LRP1B: variants seen among roughly 807,000 people sequenced by gnomAD.
LRP1B encodes the protein low-density lipoprotein receptor-related protein 1B.
LRP1B carries 217 observed loss-of-function variants against 556.6 expected under a neutral mutation model. The ratio of observed to expected loss-of-function variants is 0.39; its 90% CI spans 0.35 to 0.44. The LOEUF (loss-of-function observed/expected upper bound fraction) is 0.44, where lower values mean the gene tolerates loss of function less well. Among genes scored for constraint, LRP1B ranks in the 20% least tolerant of loss-of-function variants. The pLI, the probability that LRP1B is intolerant of heterozygous loss-of-function variation, is 1.00. For synonymous variants in LRP1B, 2,047 were observed against 1,865.8 expected (o/e 1.10, Z -2.50); for missense variants, 5,053 against 5,620.8 (o/e 0.90, Z 3.23).
At chr2:140,759,475 G>C in intron 35 of LRP1B, among the ~76,000 whole-genome samples, 1 of 152,116 alleles carries the variant, frequency 6.6e-6, no homozygotes, top group East Asian at 1.9e-4. Context: ...CAAACTTTAA[G>C]ACTAATGAAA....
At chr2:140,361,186 A>C (rs1203742784) in intron 72 of LRP1B, among the ~76,000 whole-genome samples, 2 of 149,410 alleles carry the variant, frequency 1.3e-5, no homozygotes, top group African/African-American at 4.9e-5. Flanking sequence ...TCTCTTTTTC[A>C]TCTCAGTTAT....
chr2:142,050,219 C>T (rs1021450163), intron 1 of LRP1B, among the ~76,000 whole-genome samples: 1 of 152,106 alleles, frequency 6.6e-6, no homozygotes, highest in African/African-American at 2.4e-5. Context: ...ATATAATATA[C>T]ATATTTTATA....
intron 1 of LRP1B, among the ~76,000 whole-genome samples, chr2:141,963,297 C>T (rs1223028099): frequency 4.3e-4 from 66 of 151,962 alleles, no homozygotes; most frequent in Non-Finnish European, 4.4e-5. Context: ...ATGAATACAT[C>T]AATTTCAATT....
At chr2:140,703,617 T>A (rs938820729) in intron 37 of LRP1B, among the ~76,000 whole-genome samples, 3 of 152,174 alleles carry the variant, frequency 2.0e-5, no homozygotes, top group Non-Finnish European at 4.4e-5. Flanking sequence ...TTTTTCTAGT[T>A]CTTAGAAGTT....
intron 1 of LRP1B, among the ~76,000 whole-genome samples, chr2:141,851,183 G>A (rs1697843355): frequency 6.6e-6 from 1 of 151,744 alleles, no homozygotes; most frequent in African/African-American, 2.4e-5. Context: ...GCAAATGTTT[G>A]AAAGACATAA....
chr2:142,060,485 A>T (rs1472023169), intron 1 of LRP1B, among the ~76,000 whole-genome samples: 1 of 152,078 alleles, frequency 6.6e-6, no homozygotes, highest in East Asian at 1.9e-4. Flanking sequence ...TTGAAAATCC[A>T]TAAGAGGTGG....
chr2:140,437,528 G>A (rs1029105757), intron 66 of LRP1B, among the ~76,000 whole-genome samples: 1 of 152,110 alleles, frequency 6.6e-6, no homozygotes, highest in Non-Finnish European at 1.5e-5. Context: ...CTACACAGAT[G>A]TCCTAACAAA....
At chr2:141,062,363 CTAATTTA>C (rs1282244784) in intron 7 of LRP1B, 90 bp from the exon 8 acceptor site, 18 of 760,816 alleles carry the variant, frequency 2.4e-5, no homozygotes, top group African/African-American at 1.9e-4. Context: ...ACTTTTTCTT[CTAATTTA>C]TTTCAGTGAT....
intron 49 of LRP1B, 52 bp from the exon 50 acceptor site, chr2:140,517,063 T>C (rs371853243): frequency 7.5e-7 from 1 of 1,333,114 alleles, no homozygotes; most frequent in South Asian, 1.2e-5. Context: ...TTCTGAAATA[T>C]AGGTAGATAA....
intron 60 of LRP1B, among the ~76,000 whole-genome samples, chr2:140,466,103 C>G (rs1355160751): frequency 1.4e-5 from 2 of 146,526 alleles, no homozygotes; most frequent in Admixed American, 6.8e-5. Flanking sequence ...AGTATTATTT[C>G]AATTTCCTCT....
At position 140,233,335 on chromosome 2, in the gene LRP1B, G is replaced by T. The variant is rs374454565; in HGVS notation, c.13660-9C>A. 4 of 1,552,982 alleles carry T rather than the reference G, an allele frequency of 2.6e-6. No homozygotes were observed. The highest frequency in any genetic ancestry group is 3.5e-6 in the Non-Finnish European group (4 of 1,149,700). On this transcript the variant is annotated splice_polypyrimidine_tract_variant and intron_variant, in intron 90 of 90. Transcript: ENST00000389484. ...TTGGAGTAATTTGTTGGCTGAAGGA[G>T]AAAAAAAATAAATATAATTTTATTA...
chr2:141,194,653 C>A (rs548281638), intron 6 of LRP1B, among the ~76,000 whole-genome samples: 2 of 152,198 alleles, frequency 1.3e-5, no homozygotes, highest in Admixed American at 6.5e-5. Flanking sequence ...TGTGATGACA[C>A]CACAGCAAAG....
intron 7 of LRP1B, among the ~76,000 whole-genome samples, chr2:141,099,045 A>C (rs1700396037): frequency 1.3e-5 from 2 of 152,196 alleles, no homozygotes; most frequent in Non-Finnish European, 2.9e-5. Flanking sequence ...CTGCAGGTAA[A>C]AGCATAAGTC....
intron 7 of LRP1B, among the ~76,000 whole-genome samples, chr2:141,089,667 A>G (rs913242848): frequency 3.3e-5 from 5 of 152,180 alleles, no homozygotes; most frequent in Non-Finnish European, 7.4e-5. Context: ...TGGGTAAAAA[A>G]CACACCTCAG....
At chr2:140,423,716 G>T (rs898743338) in intron 66 of LRP1B, among the ~76,000 whole-genome samples, 4 of 152,076 alleles carry the variant, frequency 2.6e-5, no homozygotes, top group Admixed American at 2.0e-4. Flanking sequence ...AACACATAGA[G>T]CTAGAGCTTG....
chr2:140,700,954 A>G (rs1445647228), intron 40 of LRP1B, among the ~76,000 whole-genome samples: 1 of 152,146 alleles, frequency 6.6e-6, no homozygotes, highest in Non-Finnish European at 1.5e-5. Flanking sequence ...CATTTAAAAC[A>G]TGAATTGATC....
At chr2:141,810,015 C>A (rs1696285139) in intron 2 of LRP1B, among the ~76,000 whole-genome samples, 2 of 150,636 alleles carry the variant, frequency 1.3e-5, no homozygotes, top group Non-Finnish European at 3.0e-5. Flanking sequence ...TCCAAAACTG[C>A]ATTTTATGCT....
chr2:140,811,262 C>T (rs1270956490), intron 32 of LRP1B, among the ~76,000 whole-genome samples: 1 of 152,116 alleles, frequency 6.6e-6, no homozygotes, highest in Non-Finnish European at 1.5e-5. Context: ...CTCCTTCTTC[C>T]ATTTATCAGT....
At chr2:142,072,347 A>G (rs1705347610) in intron 1 of LRP1B, among the ~76,000 whole-genome samples, 1 of 151,890 alleles carries the variant, frequency 6.6e-6, no homozygotes, top group Admixed American at 6.6e-5. Context: ...TAACAATTTC[A>G]TATATCTCAA....
Sources: allele counts gnomAD v4.1 joint callset (sites outside exome capture counted in the v4.1 genomes callset), GRCh38; gene constraint gnomAD v4.1.1; transcripts MANE v1.5; gene names NCBI Gene and HGNC (gene_info 2026-07-23, HGNC 2026-07-21).